The following TRAPPC9 variants were observed in gnomAD, a reference collection of about 807,000 sequenced individuals.
TRAPPC9 encodes trafficking protein particle complex subunit 9, also known as IKK2 binding protein.
Under a neutral mutation model 124.0 loss-of-function variants are expected in TRAPPC9, and 83 were observed. That is an observed-to-expected ratio of 0.67 (90% CI 0.56 to 0.80). TRAPPC9 has a LOEUF of 0.80. Ranked by LOEUF, TRAPPC9 falls within the 30% of genes least tolerant of loss-of-function variation. TRAPPC9 has a pLI of 0.00. For missense variants in TRAPPC9, 1,302 were observed against 1,508.3 expected (o/e 0.86, Z 2.27); for synonymous variants, 638 against 617.5 (o/e 1.03, Z -0.49).
chr8:139,949,529 T>C (rs1834497984), intron 19 of TRAPPC9, among the ~76,000 whole-genome samples: 4 of 152,184 alleles, frequency 2.6e-5, no homozygotes, highest in Admixed American at 6.5e-5. Context: ...AAATAAAATG[T>C]GCAATATCCA....
intron 4 of TRAPPC9, among the ~76,000 whole-genome samples, chr8:140,427,354 A>G (rs1399368932): frequency 2.0e-5 from 3 of 149,582 alleles, no homozygotes; most frequent in Non-Finnish European, 4.4e-5. Context: ...CCTAAAATAC[A>G]TCTCTCTATA....
intron 21 of TRAPPC9, among the ~76,000 whole-genome samples, chr8:139,866,642 C>T (rs192962149): frequency 1.6e-4 from 24 of 152,238 alleles, no homozygotes; most frequent in Non-Finnish European, 1.2e-4. Context: ...ATGCTGAGGA[C>T]ATGAGGTACC....
chr8:139,786,961 TGACG>T (rs1822297268), intron 21 of TRAPPC9, among the ~76,000 whole-genome samples: 1 of 152,118 alleles, frequency 6.6e-6, no homozygotes, highest in Non-Finnish European at 1.5e-5. Context: ...TTGGTGGTGG[TGACG>T]GTTTCACGGG....
At chr8:140,213,589 T>TTC (rs1185782393) in intron 17 of TRAPPC9, among the ~76,000 whole-genome samples, 1 of 152,086 alleles carries the variant, frequency 6.6e-6, no homozygotes, top group African/African-American at 2.4e-5. Flanking sequence ...ATCTACATTT[T>TTC]TTTTTTCTAA....
At position 139,869,567 on chromosome 8, in the gene TRAPPC9, G is replaced by A. The variant is rs190014087; in HGVS notation, c.3055+16312C>T. Among the ~76,000 whole-genome samples, 7 of 152,230 alleles carry A rather than the reference G, an allele frequency of 4.6e-5. No individual in the cohort carries two copies. The East Asian group carries it at 9.6e-4, about 21-fold the overall frequency. On this transcript the variant is annotated intron_variant, in intron 21 of 22. Transcript: ENST00000438773. ...AGAAAGGATCTTAAAGAACTACCCC[G>A]TATCATTAATAAAGTAGAGCTAATT...
chr8:140,458,426 G>T (rs761161998), upstream of TRAPPC9: 4 of 1,586,392 alleles, frequency 2.5e-6, no homozygotes, highest in Non-Finnish European at 2.6e-6. Flanking sequence ...TGCCCCCCAC[G>T]TGGGTGGGTG....
At chr8:139,770,271 C>A (rs1000713026) in intron 21 of TRAPPC9, among the ~76,000 whole-genome samples, 5 of 152,254 alleles carry the variant, frequency 3.3e-5, no homozygotes, top group African/African-American at 1.2e-4. Flanking sequence ...ACCTCCCGAC[C>A]TTGTATGCTG....
At chr8:140,217,790 C>A (rs1280539223) in intron 17 of TRAPPC9, among the ~76,000 whole-genome samples, 1 of 152,060 alleles carries the variant, frequency 6.6e-6, no homozygotes, top group East Asian at 1.9e-4. Context: ...CCAAGGCAGG[C>A]AGGTCACTTG....
chr8:139,947,118 G>C (rs951764734), intron 19 of TRAPPC9, among the ~76,000 whole-genome samples: 1 of 152,166 alleles, frequency 6.6e-6, no homozygotes, highest in Non-Finnish European at 1.5e-5. Flanking sequence ...CAACTCACCT[G>C]GCAAGTCAAA....
intron 21 of TRAPPC9, among the ~76,000 whole-genome samples, chr8:139,813,013 G>A (rs1007158391): frequency 1.3e-5 from 2 of 152,206 alleles, no homozygotes; most frequent in East Asian, 1.9e-4. Flanking sequence ...GGGTGTGACC[G>A]GCCCACTTCT....
chr8:139,793,681 G>A (rs1822855917), intron 21 of TRAPPC9, among the ~76,000 whole-genome samples: 1 of 152,182 alleles, frequency 6.6e-6, no homozygotes, highest in African/African-American at 2.4e-5. Flanking sequence ...CGCTAGGGGT[G>A]GCCTGGGTTC....
chr8:139,960,524 C>T (rs1054902256), intron 19 of TRAPPC9, among the ~76,000 whole-genome samples: 13 of 152,212 alleles, frequency 8.5e-5, no homozygotes, highest in African/African-American at 3.1e-4. Flanking sequence ...CTTTGTCAGG[C>T]CAGCTCCACT....
intron 7 of TRAPPC9, among the ~76,000 whole-genome samples, chr8:140,386,931 A>G (rs1007129705): frequency 2.0e-5 from 3 of 152,254 alleles, no homozygotes; most frequent in African/African-American, 7.2e-5. Context: ...ACAAGGCTAC[A>G]GTAACCAAAA....
chr8:140,208,337 A>G (rs1179232406), intron 17 of TRAPPC9, among the ~76,000 whole-genome samples: 1 of 152,192 alleles, frequency 6.6e-6, no homozygotes, highest in African/African-American at 2.4e-5. Context: ...AAGACAACAA[A>G]AAATGTCAAA....
chr8:140,033,657 G>GTTTTTTT (rs1491525674), intron 17 of TRAPPC9, among the ~76,000 whole-genome samples: 15 of 49,260 alleles, frequency 3.0e-4, no homozygotes, highest in Middle Eastern at 0.042. Context: ...TTCATAATGT[G>GTTTTTTT]GTTTTTTTTT....
intron 19 of TRAPPC9, chr8:139,931,626 G>C (rs967861740): frequency 6.6e-6 from 1 of 152,480 alleles, no homozygotes; most frequent in East Asian, 1.9e-4. Flanking sequence ...TGCATGCTAC[G>C]GGGCTATCAA....
chr8:140,051,822 G>C (rs1842023966), intron 17 of TRAPPC9, among the ~76,000 whole-genome samples: 1 of 152,108 alleles, frequency 6.6e-6, no homozygotes, highest in African/African-American at 2.4e-5. Flanking sequence ...GAGAAGAGCA[G>C]ACATCTAGAC....
At chr8:140,318,808 T>C (rs1052540730) in intron 9 of TRAPPC9, among the ~76,000 whole-genome samples, 7 of 152,248 alleles carry the variant, frequency 4.6e-5, no homozygotes, top group African/African-American at 1.7e-4. Context: ...TTAATGGGCT[T>C]GGAGAACTGA....
At chr8:139,756,562 C>G (rs1819810312) in intron 21 of TRAPPC9, among the ~76,000 whole-genome samples, 1 of 144,200 alleles carries the variant, frequency 6.9e-6, no homozygotes, top group Non-Finnish European at 1.5e-5. Context: ...GGGATGAGGA[C>G]AGCAGGTCGC....
Sources: allele counts gnomAD v4.1 joint callset (sites outside exome capture counted in the v4.1 genomes callset), GRCh38; gene constraint gnomAD v4.1.1; transcripts MANE v1.5; gene names NCBI Gene and HGNC (gene_info 2026-07-23, HGNC 2026-07-21).